PPARGC1A: variants seen among roughly 807,000 people sequenced by gnomAD.
PPARGC1A encodes the protein peroxisome proliferator-activated receptor gamma coactivator 1-alpha.
PPARGC1A carries 25 observed loss-of-function variants against 88.7 expected under a neutral mutation model. The observed-to-expected ratio is 0.28, with a 90% CI of 0.21 to 0.39. The LOEUF is 0.39. Ranked by LOEUF, PPARGC1A falls within the 10% of genes least tolerant of loss-of-function variation. PPARGC1A has a pLI of 1.00. For synonymous variants in PPARGC1A, 363 were observed against 355.6 expected, an observed-to-expected ratio of 1.02 and a Z score of -0.24; for missense variants, 880 against 968.7, an observed-to-expected ratio of 0.91 and a Z score of 1.22.
chr4:24,018,672 A>T, the PPARGC1A span, among the ~76,000 whole-genome samples: 1 of 152,102 alleles, frequency 6.6e-6, no homozygotes, highest in Non-Finnish European at 1.5e-5. Context: ...CTGATCTTTC[A>T]TCTCTTGCTT....
At chr4:24,276,388 A>C in the PPARGC1A span, among the ~76,000 whole-genome samples, 1 of 152,162 alleles carries the variant, frequency 6.6e-6, no homozygotes, top group Non-Finnish European at 1.5e-5. Context: ...GGTGACTTCC[A>C]TTCCTACACA....
the PPARGC1A span, among the ~76,000 whole-genome samples, chr4:24,291,477 T>C: frequency 6.6e-6 from 1 of 152,156 alleles, no homozygotes; most frequent in Non-Finnish European, 1.5e-5. Context: ...CTCTGTTCTC[T>C]GCCAGGCAAG....
chr4:24,179,542 GATA>G, the PPARGC1A span, among the ~76,000 whole-genome samples: 1 of 152,098 alleles, frequency 6.6e-6, no homozygotes, highest in Non-Finnish European at 1.5e-5. Flanking sequence ...TAGCCTGCTA[GATA>G]ATGAGAGACA....
chr4:24,151,687 C>T, the PPARGC1A span, among the ~76,000 whole-genome samples: 2 of 152,110 alleles, frequency 1.3e-5, no homozygotes, highest in Non-Finnish European at 2.9e-5. Flanking sequence ...TATTACTAAC[C>T]CTATCCTACA....
At chr4:24,104,374 CCT>C in the PPARGC1A span, among the ~76,000 whole-genome samples, 1 of 152,168 alleles carries the variant, frequency 6.6e-6, no homozygotes, top group African/African-American at 2.4e-5. Context: ...GGAAAATTCT[CCT>C]CTGTCAACAA....
chr4:24,178,610 G>A, the PPARGC1A span, among the ~76,000 whole-genome samples: 42 of 152,240 alleles, frequency 2.8e-4, no homozygotes, highest in African/African-American at 8.4e-4. Context: ...GAGACTGTCC[G>A]TTTCTACCTG....
chr4:24,014,697 G>C, the PPARGC1A span, among the ~76,000 whole-genome samples: 6 of 152,096 alleles, frequency 3.9e-5, no homozygotes, highest in East Asian at 7.7e-4. Context: ...ATAGCTGCTT[G>C]CTTTGTCATG....
chr4:24,436,495 A>G, the PPARGC1A span, among the ~76,000 whole-genome samples: 3 of 150,852 alleles, frequency 2.0e-5, no homozygotes, highest in Non-Finnish European at 4.4e-5. Context: ...TCAATTGGCC[A>G]CCCCAGAGCC....
chr4:24,405,526 T>C, the PPARGC1A span, among the ~76,000 whole-genome samples: 497 of 152,300 alleles, frequency 3.3e-3, 2 homozygotes, highest in African/African-American at 0.011. Flanking sequence ...TGTTCTATAA[T>C]CAGTGCTATT....
the PPARGC1A span, among the ~76,000 whole-genome samples, chr4:24,396,232 C>T: frequency 6.6e-6 from 1 of 152,108 alleles, no homozygotes; most frequent in Non-Finnish European, 1.5e-5. Context: ...AGTCCAAACC[C>T]TTAGAGCAAG....
At chr4:23,824,107 A>AG (rs71639812) in intron 7 of PPARGC1A, among the ~76,000 whole-genome samples, 173 bp downstream of exon 7, 53,089 of 150,522 alleles carry the variant, frequency 0.35, 9,785 homozygotes, top group Middle Eastern at 0.49. Flanking sequence ...ATTTTTTATT[A>AG]GTTTTTTTTT....
At chr4:23,818,382 T>C (rs1311238097) in intron 7 of PPARGC1A, among the ~76,000 whole-genome samples, 1 of 152,164 alleles carries the variant, frequency 6.6e-6, no homozygotes, top group African/African-American at 2.4e-5. Context: ...TATAGCTTTT[T>C]TATTGCCGCC....
chr4:24,242,643 A>T, the PPARGC1A span, among the ~76,000 whole-genome samples: 1 of 152,180 alleles, frequency 6.6e-6, no homozygotes, highest in South Asian at 2.1e-4. Context: ...CACGTATGTC[A>T]TCTTCACCCC....
At chr4:23,977,998 T>C in the PPARGC1A span, among the ~76,000 whole-genome samples, 1 of 152,186 alleles carries the variant, frequency 6.6e-6, no homozygotes, top group Non-Finnish European at 1.5e-5. Flanking sequence ...AAGAGAATTA[T>C]ATCAAAATGA....
At chr4:24,401,316 C>T in the PPARGC1A span, among the ~76,000 whole-genome samples, 1 of 152,056 alleles carries the variant, frequency 6.6e-6, no homozygotes, top group African/African-American at 2.4e-5. Flanking sequence ...CTGCGCCCGG[C>T]CATACCTGAT....
At chr4:24,171,055 T>G in the PPARGC1A span, among the ~76,000 whole-genome samples, 1 of 152,058 alleles carries the variant, frequency 6.6e-6, no homozygotes, top group African/African-American at 2.4e-5. Context: ...GCTTTCTCCC[T>G]CACAATCTTC....
chr4:24,460,576 G>C, the PPARGC1A span, among the ~76,000 whole-genome samples: 3 of 127,562 alleles, frequency 2.4e-5, no homozygotes, highest in African/African-American at 1.1e-4. Context: ...TTACTATCAG[G>C]GTCAAAAAAA....
the PPARGC1A span, among the ~76,000 whole-genome samples, chr4:24,374,158 C>T: frequency 6.6e-6 from 1 of 152,232 alleles, no homozygotes; most frequent in Non-Finnish European, 1.5e-5. Context: ...TGATGGTTAA[C>T]ACCCCTGGGA....
the PPARGC1A span, among the ~76,000 whole-genome samples, chr4:24,432,207 G>A: frequency 3.3e-5 from 5 of 152,214 alleles, no homozygotes; most frequent in East Asian, 9.6e-4. Flanking sequence ...GGTGGAAGGG[G>A]TTAGGAAGTC....
Sources: allele counts gnomAD v4.1 joint callset (sites outside exome capture counted in the v4.1 genomes callset), GRCh38; gene constraint gnomAD v4.1.1; transcripts MANE v1.5; gene names NCBI Gene and HGNC (gene_info 2026-07-23, HGNC 2026-07-21).